Variants in KDM5C observed in about 807,000 individuals in gnomAD.
KDM5C encodes lysine-specific demethylase 5C.
Under a neutral mutation model 110.6 loss-of-function variants are expected in KDM5C, and 16 were observed. The observed-to-expected ratio is 0.14, with a 90% confidence interval of 0.10 to 0.22. The LOEUF is 0.22. KDM5C is among the 10% of genes least tolerant of loss of function. The pLI, the probability that KDM5C is intolerant of heterozygous loss-of-function variation, is 1.00. For missense variants in KDM5C, 681 were observed against 1,300.9 expected, an observed-to-expected ratio of 0.52 and a Z score of 7.33; for synonymous variants, 511 against 520.4, an observed-to-expected ratio of 0.98 and a Z score of 0.24.
intron 1 of KDM5C, among the ~76,000 whole-genome samples, chrX:53,223,538 G>C (rs2073951505): frequency 9.0e-6 from 1 of 111,483 alleles, no homozygotes; most frequent in African/African-American, 3.3e-5. Context: ...ATTTCAGCCA[G>C]GAGACACCCA....
At chrX:53,201,386 T>C (rs1376577568) in intron 14 of KDM5C, 164 bp downstream of exon 14, 3 of 507,584 alleles carry the variant, frequency 5.9e-6, no homozygotes, top group Non-Finnish European at 6.9e-6. Flanking sequence ...GACTTAAGGT[T>C]GCTGGTAAAG....
At chrX:53,202,126 C>A in intron 12 of KDM5C, 153 bp from the exon 13 acceptor site, 2 of 603,478 alleles carry the variant, frequency 3.3e-6, no homozygotes, top group Non-Finnish European at 5.4e-6. Context: ...AAAGGAAGGA[C>A]CACTGGTCTC....
At position 53,197,756 on chromosome X, in the gene KDM5C, T is replaced by C. The variant is rs1303140399; in HGVS notation, c.2622+15A>G. 77 of 1,174,761 alleles carry C rather than the reference T, an allele frequency of 6.6e-5. No homozygotes were observed. The highest frequency in any genetic ancestry group is 8.7e-5 in the Non-Finnish European group (76 of 869,387). The stretch of plus-strand genomic sequence containing the variant: ...GGTCCCCTTGATCCCTCATCAGCAC[T>C]CCAAGCGTCCTCACCTTGACATCCC... On this transcript the variant is annotated intron_variant, in intron 18 of 25. Transcript: ENST00000375401.
downstream of KDM5C, among the ~76,000 whole-genome samples, chrX:53,186,503 A>G (rs1556828211): frequency 8.9e-6 from 1 of 112,065 alleles, no homozygotes; most frequent in African/African-American, 3.2e-5. Context: ...AATAGAATAG[A>G]GTTATACAAG....
At chrX:53,220,958 C>T in intron 1 of KDM5C, 42 bp from the exon 2 acceptor site, 2 of 1,109,847 alleles carry the variant, frequency 1.8e-6, no homozygotes, top group Non-Finnish European at 2.5e-6. Flanking sequence ...GTTATCTCAG[C>T]ATAGTGTAAG....
intron 23 of KDM5C, 118 bp from the exon 24 acceptor site, chrX:53,193,969 G>C (rs1318175240): frequency 3.1e-6 from 3 of 953,537 alleles, no homozygotes; most frequent in East Asian, 6.6e-5. Flanking sequence ...GGAAGACACA[G>C]GCTGCCAGCA....
downstream of KDM5C, among the ~76,000 whole-genome samples, chrX:53,189,475 T>C (rs1602150928): frequency 8.9e-6 from 1 of 112,555 alleles, no homozygotes; most frequent in East Asian, 2.8e-4. Context: ...AAGGGGCTGT[T>C]CCCCTTCCTT....
Position 53,192,773 on chromosome X carries a change from G to GC in KDM5C, c.*193dup. ...CAGGGAGGGAAGACTCCAGGGGCCG[G>GC]CCCCCAGGAGCTGAGGTCTGAACAA... is the stretch of plus-strand genomic sequence containing the variant. On this transcript the variant is annotated 3_prime_UTR_variant, in exon 26 of 26. Coordinates refer to ENST00000375401, the MANE Select transcript of KDM5C (RefSeq NM_004187.5). 8.8e-7 allele frequency: 1 copy of GC among 1,142,038 alleles called. No homozygotes were observed. Among genetic ancestry groups the GC allele is most frequent in the Non-Finnish European group, 1.2e-6 (1 of 859,483 alleles). The allele number at this position is 1,142,038 out of a possible 1,213,427, so 94.1% of individuals were successfully genotyped here.
chrX:53,195,645 C>T lies in KDM5C; in HGVS notation c.3121-235G>A, dbSNP rs147911336. Among the ~76,000 whole-genome samples the T allele has an allele frequency of 3.9e-3, 432 of 111,866 alleles. 3 individuals are homozygous for T. The highest frequency in any genetic ancestry group is 9.4e-3 in the African/African-American group (289 of 30,774). On this transcript the variant is annotated intron_variant, in intron 20 of 25. Transcript: ENST00000375401. ...GTTGTGGTTTGCCTCTTCTCCTCTC[C>T]TCCATGCCCCTGCCCTGCTCAGTCC...
intron 4 of KDM5C, 41 bp from the exon 5 acceptor site, chrX:53,217,318 A>G: frequency 8.3e-7 from 1 of 1,202,730 alleles, no homozygotes; most frequent in Non-Finnish European, 1.1e-6. Context: ...CATGGACTCC[A>G]GCCCGCAAAA....
chrX:53,221,627 G>A (rs2073899983), intron 1 of KDM5C: 2 of 594,673 alleles, frequency 3.4e-6, no homozygotes, highest in Admixed American at 3.1e-5. Flanking sequence ...AGTTTAAAGG[G>A]CCTGAGATAG....
At chrX:53,210,620 G>A in intron 11 of KDM5C, 44 bp from the exon 12 acceptor site, 1 of 1,210,161 alleles carries the variant, frequency 8.3e-7, no homozygotes, top group Non-Finnish European at 1.1e-6. Flanking sequence ...TCACACCTTG[G>A]TCATGCAGGG....
Position 53,192,877 on chromosome X carries a change from ACCC to A in KDM5C, c.*87_*89del. ...GGGATGGCCACCCCCCTACCCGCCC[ACCC>A]CCCAAGAAGCAGGCTTGATGGTCAG... On this transcript the variant is annotated 3_prime_UTR_variant, in exon 26 of 26. Transcript: ENST00000375401. 1 of 193,099 alleles carries A rather than the reference ACCC, an allele frequency of 5.2e-6. No individual in the cohort carries two copies. The highest frequency in any genetic ancestry group is 7.7e-6 in the Non-Finnish European group (1 of 130,538). 15.9% of individuals were successfully genotyped at this position (193,099 alleles called of 1,213,427 possible).
intron 25 of KDM5C, among the ~76,000 whole-genome samples, chrX:53,177,863 A>G (rs1556824657): frequency 8.9e-6 from 1 of 111,799 alleles, no homozygotes; most frequent in East Asian, 2.8e-4. Flanking sequence ...ATGTTTGAAG[A>G]AAAAAACCCT....
chrX:53,210,270 C>G, intron 12 of KDM5C, 144 bp downstream of exon 12: 1 of 734,568 alleles, frequency 1.4e-6, no homozygotes, highest in Non-Finnish European at 2.1e-6. Context: ...CTCTACTAGA[C>G]TAGTCAAACC....
intron 1 of KDM5C, 126 bp downstream of exon 1, chrX:53,224,614 C>T: frequency 1.1e-6 from 1 of 879,282 alleles, no homozygotes; most frequent in Non-Finnish European, 1.6e-6. Context: ...ATCCGCGCCG[C>T]AACCACAACG....
At position 53,192,869 on chromosome X, in the gene KDM5C, A is replaced by AACCCCCCCC; in HGVS notation, c.*97_*98insGGGGGGGGT. Reference sequence around the variant, plus strand: ...GGGTAGCAGGGATGGCCACCCCCCTACCCGCCCACCCCCCAAGAAGCAGGC... The same window carrying AACCCCCCCC: ...GGGTAGCAGGGATGGCCACCCCCCTAACCCCCCCCCCCGCCCACCCCCCAAGAAGCAGGC... On this transcript the variant is annotated 3_prime_UTR_variant, in exon 26 of 26. Transcript: ENST00000375401. 2.8e-5 allele frequency: 5 copies of AACCCCCCCC among 179,871 alleles called. No individual in the cohort carries two copies. Among genetic ancestry groups the AACCCCCCCC allele is most frequent in the Admixed American group, 1.1e-4 (1 of 8,986 alleles). The allele number at this position is 179,871 out of a possible 1,213,427, so 14.8% of individuals were successfully genotyped here.
rs782697312 is a variant in KDM5C, at chrX:53,183,411, C to T, written c.4309-6789G>A. Among the ~76,000 whole-genome samples, 14 of 107,207 alleles carry T rather than the reference C, an allele frequency of 1.3e-4. No homozygotes were observed. The South Asian group carries it at 5.5e-3, about 42-fold the overall frequency. The allele number at this position is 107,207 out of a possible 115,157, so 93.1% of individuals were successfully genotyped here. ...CTCAAACTGCAGTGAGCCAAGATTA[C>T]GCCACTGCACTCCAGCCTGGGCAAC... On this transcript the variant is annotated intron_variant, in intron 25 of 25. Transcript: ENST00000685641.
At chrX:53,185,821 G>A (rs782328506) in intron 25 of KDM5C, among the ~76,000 whole-genome samples, 3 of 111,673 alleles carry the variant, frequency 2.7e-5, no homozygotes, top group Non-Finnish European at 5.6e-5. Flanking sequence ...GGAAAATGGA[G>A]GCCTGATTTT....
Sources: allele counts gnomAD v4.1 joint callset (sites outside exome capture counted in the v4.1 genomes callset), GRCh38; gene constraint gnomAD v4.1.1; transcripts MANE v1.5; gene names NCBI Gene and HGNC (gene_info 2026-07-23, HGNC 2026-07-21).